The following EBF4 variants were observed in gnomAD, a reference collection of about 807,000 sequenced individuals.
EBF4 encodes EBF transcription factor 4, also known as transcription factor COE4.
EBF4 carries 34 observed loss-of-function variants against 67.1 expected under a neutral mutation model. The ratio of observed to expected loss-of-function variants is 0.51; its 90% CI spans 0.39 to 0.67. The LOEUF is 0.67. Among genes scored for constraint, EBF4 ranks in the 30% least tolerant of loss-of-function variants. The pLI is 0.00. For synonymous variants in EBF4, 387 were observed against 377.7 expected (o/e 1.02, Z -0.29); for missense variants, 837 against 873.3 (o/e 0.96, Z 0.52).
At chr20:2,714,404 G>A (rs1410367671) in intron 6 of EBF4, among the ~76,000 whole-genome samples, 16 of 150,904 alleles carry the variant, frequency 1.1e-4, no homozygotes, top group Admixed American at 1.1e-3. Context: ...CCAGGCTGGA[G>A]TGCAGTGGCG....
intron 6 of EBF4, among the ~76,000 whole-genome samples, chr20:2,729,415 C>CT (rs1195243786): frequency 2.6e-5 from 4 of 152,220 alleles, no homozygotes; most frequent in Admixed American, 2.6e-4. Context: ...TCCCCAGCCT[C>CT]TTGCTGATAA....
At chr20:2,706,173 C>T in intron 3 of EBF4, 36 bp from the exon 4 acceptor site, 1 of 1,551,882 alleles carries the variant, frequency 6.4e-7, no homozygotes, top group Non-Finnish European at 8.7e-7. Context: ...GCACATGCTC[C>T]CCCAGCAGCA....
At chr20:2,759,026 C>T in intron 16 of EBF4, 42 bp downstream of exon 16, 2 of 1,522,718 alleles carry the variant, frequency 1.3e-6, no homozygotes, top group South Asian at 2.4e-5. Flanking sequence ...CCCCACCTGG[C>T]CCTGAGATGT....
At chr20:2,731,087 C>T (rs1225965593) in intron 6 of EBF4, among the ~76,000 whole-genome samples, 3 of 152,016 alleles carry the variant, frequency 2.0e-5, no homozygotes, top group Admixed American at 6.5e-5. Context: ...TTAGTAGAGA[C>T]GGGGTTTCAC....
At chr20:2,749,401 G>A in exon 8 of EBF4, 1 of 1,533,178 alleles carries the variant, frequency 6.5e-7, no homozygotes, top group Non-Finnish European at 8.8e-7. Flanking sequence ...CTCCCCGCAG[G>A]TGGTGGTGTC....
intron 6 of EBF4, among the ~76,000 whole-genome samples, chr20:2,733,830 A>C (rs921243808): frequency 2.6e-5 from 4 of 151,368 alleles, no homozygotes; most frequent in African/African-American, 9.7e-5. Flanking sequence ...AAAAAAAAAA[A>C]GCAAAAACAT....
Position 2,705,538 on chromosome 20 carries a change from G to A in EBF4, c.138-39G>A, listed in dbSNP as rs752353320. 16 of 1,551,466 alleles carry A rather than the reference G, an allele frequency of 1.0e-5. 1 individual carries two copies. In the South Asian group the frequency reaches 1.9e-4, roughly 18 times the overall value. ...AGGCGCTGGAGTCTTTCTCACTGGG[G>A]GGCCTTCCAGTGGTTTTCCAGCTCT... On this transcript the variant is annotated intron_variant, in intron 1 of 16. Coordinates refer to ENST00000609451, the Ensembl canonical transcript of EBF4.
chr20:2,692,842 G>C (rs1257256990), upstream of EBF4: 4 of 146,296 alleles, frequency 2.7e-5, no homozygotes, highest in Non-Finnish European at 5.9e-5. This position sits in a 1 kb window ranked among gnomAD's most constrained non-coding sequence, Gnocchi z 6.4. Flanking sequence ...GGATGGCCCG[G>C]GCCCGAGGCC....
intron 10 of EBF4, among the ~76,000 whole-genome samples, 192 bp downstream of exon 10, chr20:2,750,165 C>G (rs1212063022): frequency 6.6e-6 from 1 of 152,116 alleles, no homozygotes; most frequent in African/African-American, 2.4e-5. Context: ...TTCCCTGGCT[C>G]TGTGTGTTTC....
In EBF4 at chr20:2,755,622, C is replaced by CCGCG; in HGVS notation, c.1541-5_1541-4insCGCG. On this transcript the variant is annotated splice_polypyrimidine_tract_variant and splice_region_variant and intron_variant, in intron 14 of 16. Coordinates refer to ENST00000609451, the Ensembl canonical transcript of EBF4. The surrounding 1 kb of genome is among the most constrained non-coding windows in gnomAD (Gnocchi z 4.7). Reference sequence around the variant, plus strand: ...GCGCCTGCCCCTCCCCGCCCCGCCCCGGAGTCATGCCCTCTAGCCCCCCGC... The same window carrying CCGCG: ...GCGCCTGCCCCTCCCCGCCCCGCCCCCGCGGGAGTCATGCCCTCTAGCCCCCCGC... 6.9e-7 allele frequency: 1 copy of CCGCG among 1,439,274 alleles called. No individual in the cohort carries two copies. Among genetic ancestry groups the CCGCG allele is most frequent in the East Asian group, 2.5e-5 (1 of 39,666 alleles). The allele number at this position is 1,439,274 out of a possible 1,614,324, so 89.2% of individuals were successfully genotyped here. A position where few individuals can be genotyped will look rare whatever the true frequency, so the allele number is the denominator to read the frequency against.
rs1415178435 is a variant in EBF4 at position 2,747,313 on chromosome 20, C to CAAA, written c.558-1235_558-1233dup. ...CTCTGTCTCAAAACAAAAAACAAAA[C>CAAA]AAACAAAAAAAAAAAAACAGGAAAA... On this transcript the variant is annotated intron_variant, in intron 6 of 16. Coordinates refer to ENST00000609451, the Ensembl canonical transcript of EBF4. This position sits in a 1 kb window ranked among gnomAD's most constrained non-coding sequence, Gnocchi z 4.6. Among the ~76,000 whole-genome samples the CAAA allele has an allele frequency of 4.1e-3, 504 of 123,244 alleles. 3 individuals are homozygous for CAAA. The highest frequency in any genetic ancestry group is 0.021 in the South Asian group (86 of 4,028). The allele number at this position is 123,244 out of a possible 152,430, so 80.9% of individuals were successfully genotyped here. A position where few individuals can be genotyped will look rare whatever the true frequency, so the allele number is the denominator to read the frequency against.
chr20:2,709,460 C>G, intron 5 of EBF4, 114 bp from the exon 6 acceptor site: 3 of 996,640 alleles, frequency 3.0e-6, no homozygotes, highest in Non-Finnish European at 4.2e-6. Context: ...GATTCCACAC[C>G]CAGAGACAGG....
In EBF4 at chr20:2,755,329, C is replaced by T. The variant is rs73606173; in HGVS notation, c.1541-298C>T. The T allele has an allele frequency of 2.3e-4, 95 of 415,572 alleles. 2 individuals carry two copies. In the East Asian group the frequency reaches 3.6e-3, roughly 16 times the overall value. The allele number at this position is 415,572 out of a possible 1,614,324, so 25.7% of individuals were successfully genotyped here. A position where few individuals can be genotyped will look rare whatever the true frequency, so the allele number is the denominator to read the frequency against. On this transcript the variant is annotated intron_variant, in intron 14 of 16. Coordinates refer to ENST00000609451, the Ensembl canonical transcript of EBF4. The surrounding 1 kb of genome is among the most constrained non-coding windows in gnomAD (Gnocchi z 4.7). Reference sequence around the variant, plus strand: ...AAATCCTGAAGTAGTCCAGCTGTTGCTCATCTCATTTTTGGGGGGTACCTC... The same window carrying T: ...AAATCCTGAAGTAGTCCAGCTGTTGTTCATCTCATTTTTGGGGGGTACCTC...
intron 10 of EBF4, 85 bp downstream of exon 10, chr20:2,750,058 G>GCGACC: frequency 6.8e-7 from 1 of 1,465,518 alleles, no homozygotes; most frequent in Non-Finnish European, 9.0e-7. Context: ...TTGGTGATAG[G>GCGACC]AGTTAGCCGA....
At chr20:2,719,292 T>C (rs1256314475) in intron 6 of EBF4, among the ~76,000 whole-genome samples, 1 of 152,140 alleles carries the variant, frequency 6.6e-6, no homozygotes, top group African/African-American at 2.4e-5. Flanking sequence ...TTGTTTGTTT[T>C]GAGACGGAGT....
exon 9 of EBF4, chr20:2,749,674 G>C: frequency 6.4e-7 from 1 of 1,567,716 alleles, no homozygotes; most frequent in Non-Finnish European, 8.6e-7. Flanking sequence ...ACCACGGGCG[G>C]CGCCACCGTC....
rs1442581821 is a variant in EBF4 at position 2,739,746 on chromosome 20, A to G, written c.558-8803A>G. Among the ~76,000 whole-genome samples the G allele has an allele frequency of 6.6e-6, 1 of 152,212 alleles. No homozygotes were observed. ...TTTCTTCGGAGGCTCATGGGAGCCC[A>G]AGACAAATCTTTTAGGATAAAAATT... On this transcript the variant is annotated intron_variant, in intron 6 of 16. Coordinates refer to ENST00000609451, the Ensembl canonical transcript of EBF4. The surrounding 1 kb of genome is among the most constrained non-coding windows in gnomAD (Gnocchi z 4.5).
intron 6 of EBF4, among the ~76,000 whole-genome samples, chr20:2,737,160 G>C (rs1033633209): frequency 6.6e-6 from 1 of 150,954 alleles, no homozygotes; most frequent in East Asian, 2.0e-4. Flanking sequence ...TGAGGCAGGA[G>C]AATGGCGTGA....
At chr20:2,709,696 G>A (rs1029932888) in intron 6 of EBF4, 54 bp downstream of exon 6, 1 of 1,466,144 alleles carries the variant, frequency 6.8e-7, no homozygotes. Context: ...GGGAGGGGCA[G>A]CTGTTTTCAA....
Sources: allele counts gnomAD v4.1 joint callset (sites outside exome capture counted in the v4.1 genomes callset), GRCh38; gene constraint gnomAD v4.1.1; non-coding constraint Gnocchi (gnomAD v3.1); transcripts MANE v1.5; gene names NCBI Gene and HGNC (gene_info 2026-07-23, HGNC 2026-07-21).